GGA2: variants seen among roughly 807,000 people sequenced by gnomAD.
GGA2 encodes ADP-ribosylation factor-binding protein GGA2.
A neutral mutation model predicts 79.5 loss-of-function variants in GGA2; 48 were observed. That is an observed-to-expected ratio of 0.60 (90% confidence interval 0.48 to 0.77). The LOEUF (loss-of-function observed/expected upper bound fraction) is 0.77. GGA2 is among the 30% of genes least tolerant of loss of function. The probability of loss-of-function intolerance (pLI) is 0.00; values close to 1 mark genes in which losing one functional copy is unlikely to be tolerated. For missense variants in GGA2, 770 were observed against 774.0 expected (o/e 0.99, Z 0.06); for synonymous variants, 317 against 302.0 (o/e 1.05, Z -0.51).
rs138923765 is a variant in GGA2, at chr16:23,494,378, G to A, written c.177C>T (p.Gly59=). The part of the protein sequence containing the change: ...FCEQVNTDPN[G]PTHAPWLLAH... Reference sequence around the variant, plus strand: ...CCAGTAGCCAGGGCGCATGTGTGGGGCTACAGGGAAACAAAAAGACCTAGA... The same window carrying A: ...CCAGTAGCCAGGGCGCATGTGTGGGACTACAGGGAAACAAAAAGACCTAGA... Residue 59 remains glycine (G), a splice_region_variant and synonymous_variant, in exon 3 of 17, where the codon GGC becomes GGT. Transcript: ENST00000309859. 45 of 1,606,612 alleles carry A rather than the reference G, an allele frequency of 2.8e-5. 1 individual carries two copies. In the African/African-American group the frequency reaches 4.4e-4, roughly 16 times the overall value.
Position 23,470,185 on chromosome 16 carries a change from CAGA to C in GGA2, c.1451-23_1451-21del. 2 of 1,569,928 alleles carry C rather than the reference CAGA, an allele frequency of 1.3e-6. No homozygotes were observed. Among genetic ancestry groups the C allele is most frequent in the Non-Finnish European group, 1.7e-6 (2 of 1,158,742 alleles). ...GGCTGCCTGGTATAAAGGGCACAAG[CAGA>C]AGGTTTAACACCACTACAAACCCCC... On this transcript the variant is annotated intron_variant, in intron 14 of 16. Transcript: ENST00000309859.
rs1391270210 is a variant in GGA2, at chr16:23,475,211, A to G, written c.1293-150T>C. On this transcript the variant is annotated intron_variant, in intron 13 of 16. Coordinates refer to ENST00000309859, the MANE Select transcript of GGA2 (RefSeq NM_015044.4). Reference sequence around the variant, plus strand: ...TGCCTTTTTTTTTTTTTTTTTTGATACAGTATCTCGCTCTGTTGCCCAGGC... The same window carrying G: ...TGCCTTTTTTTTTTTTTTTTTTGATGCAGTATCTCGCTCTGTTGCCCAGGC... 6.1e-6 allele frequency: 3 copies of G among 491,882 alleles called. No individual in the cohort carries two copies. The African/African-American group carries it at 6.6e-5, about 11-fold the overall frequency. The allele number at this position is 491,882 out of a possible 1,614,324, so 30.5% of individuals were successfully genotyped here.
intron 3 of GGA2, chr16:23,493,953 A>G: frequency 2.9e-6 from 1 of 343,884 alleles, no homozygotes; most frequent in Non-Finnish European, 5.4e-6. Context: ...AGCAACCCTG[A>G]GCCCATACTC....
Position 23,464,590 on chromosome 16 carries a change from G to GT in GGA2, c.*2999dup, listed in dbSNP as rs1262965643. The GT allele has an allele frequency of 2.0e-5, 3 of 151,954 alleles. No individual in the cohort carries two copies. The highest frequency in any genetic ancestry group is 1.9e-4 in the East Asian group (1 of 5,192). The allele number at this position is 151,954 out of a possible 1,614,324, so 9.4% of individuals were successfully genotyped here. On this transcript the variant is annotated 3_prime_UTR_variant, in exon 17 of 17. Transcript: ENST00000309859. ...AAGCCCAAATCAGAGCAGTGGCAAT[G>GT]TAAGTGCAGGGAGGACATGATGTGG...
upstream of GGA2, among the ~76,000 whole-genome samples, chr16:23,511,016 C>CGTGT (rs145140640): frequency 6.9e-4 from 20 of 28,836 alleles, 1 homozygote; most frequent in East Asian, 1.6e-3. Context: ...TGGGTTTCAC[C>CGTGT]GTGTGTGTGT....
intron 1 of GGA2, among the ~76,000 whole-genome samples, chr16:23,508,065 T>C (rs2142145396): frequency 7.0e-6 from 1 of 142,318 alleles, no homozygotes; most frequent in Middle Eastern, 3.6e-3. Flanking sequence ...TCCGGCTACT[T>C]TTTTTTTTTT....
chr16:23,493,330 C>T (rs778352250), intron 4 of GGA2, 30 bp downstream of exon 4: 29 of 1,298,668 alleles, frequency 2.2e-5, no homozygotes, highest in Non-Finnish European at 2.9e-5. Context: ...AGGTGCGACA[C>T]AGTCAGCAGA....
chr16:23,468,236 G>T (rs1399403770), intron 16 of GGA2, among the ~76,000 whole-genome samples: 1 of 151,146 alleles, frequency 6.6e-6, no homozygotes, highest in Non-Finnish European at 1.5e-5. Context: ...GGAGTGCAGT[G>T]GTGCGATCTT....
chr16:23,488,464 C>A, intron 6 of GGA2, 142 bp downstream of exon 6: 1 of 673,904 alleles, frequency 1.5e-6, no homozygotes, highest in African/African-American at 1.8e-5. Flanking sequence ...AAACCTTCTG[C>A]TACCTCACTC....
At chr16:23,507,541 T>C (rs181943656) in intron 1 of GGA2, among the ~76,000 whole-genome samples, 101 of 152,242 alleles carry the variant, frequency 6.6e-4, no homozygotes, top group African/African-American at 2.4e-3. Flanking sequence ...GGCAGGAGAA[T>C]TGCTTGAACC....
chr16:23,501,572 C>A (rs1964922488), intron 1 of GGA2: 2 of 319,818 alleles, frequency 6.3e-6, no homozygotes, highest in Non-Finnish European at 1.2e-5. Flanking sequence ...TGTGTCATGG[C>A]CGTGTGAATA....
rs762706616 is a variant in GGA2, at chr16:23,470,250, C to T, written c.1451-85G>A. 5.9e-6 allele frequency: 6 copies of T among 1,023,598 alleles called. No homozygotes were observed. In the African/African-American group the frequency reaches 9.7e-5, roughly 17 times the overall value. The allele number at this position is 1,023,598 out of a possible 1,614,324, so 63.4% of individuals were successfully genotyped here. On this transcript the variant is annotated intron_variant, in intron 14 of 16. Transcript: ENST00000309859. ...GCTGGAAAGAGATGTACATGTTATC[C>T]CCAGATGCTGTTGCTTCTCCATGCA... is the stretch of plus-strand genomic sequence containing the variant.
At chr16:23,519,263 G>A (rs768355037) in intron 2 of GGA2, among the ~76,000 whole-genome samples, 2 of 151,968 alleles carry the variant, frequency 1.3e-5, no homozygotes, top group Non-Finnish European at 2.9e-5. Flanking sequence ...GGTTGGTCTC[G>A]AACTCCTAGG....
intron 8 of GGA2, among the ~76,000 whole-genome samples, chr16:23,483,993 TA>T (rs769058627): frequency 3.5e-3 from 414 of 118,870 alleles, no homozygotes; most frequent in Non-Finnish European, 3.6e-3. Flanking sequence ...AGGAAGACAT[TA>T]AAAAAAAAAA....
At chr16:23,513,505 C>A (rs544303026), upstream of GGA2, among the ~76,000 whole-genome samples, 1 of 152,064 alleles carries the variant, frequency 6.6e-6, no homozygotes, top group Non-Finnish European at 1.5e-5. Flanking sequence ...AATTCTCAGT[C>A]GGGCATGGTG....
At chr16:23,501,680 C>A in intron 1 of GGA2, 1 of 175,668 alleles carries the variant, frequency 5.7e-6, no homozygotes, top group South Asian at 1.3e-4. Flanking sequence ...GAGAAATTAA[C>A]ATTATAAGAT....
intron 4 of GGA2, 130 bp from the exon 5 acceptor site, chr16:23,491,930 T>G: frequency 1.7e-6 from 1 of 584,278 alleles, no homozygotes. Context: ...GAGGAGAGAC[T>G]AGAGGCCACA....
upstream of GGA2, chr16:23,522,095 C>T (rs757369494): frequency 3.4e-6 from 1 of 296,844 alleles, no homozygotes; most frequent in Non-Finnish European, 6.8e-6. Flanking sequence ...GAGGGTGAGG[C>T]TCATATAAGC....
At chr16:23,515,120 G>GT (rs942316812), upstream of GGA2, among the ~76,000 whole-genome samples, 150 of 147,428 alleles carry the variant, frequency 1.0e-3, 1 homozygote, top group South Asian at 1.7e-3. Flanking sequence ...ATTTCATGGG[G>GT]TTTTTTTTTT....
Sources: allele counts gnomAD v4.1 joint callset (sites outside exome capture counted in the v4.1 genomes callset), GRCh38; gene constraint gnomAD v4.1.1; transcripts MANE v1.5; gene names NCBI Gene and HGNC (gene_info 2026-07-23, HGNC 2026-07-21).